Variants in KLHL29 observed in about 807,000 individuals in gnomAD.
The protein encoded by KLHL29 is kelch like family member 29, also known as kelch-like protein 29.
A neutral mutation model predicts 80.4 loss-of-function variants in KLHL29; 21 were observed. The ratio of observed to expected loss-of-function variants is 0.26; its 90% CI spans 0.19 to 0.38. The LOEUF is 0.38. KLHL29 is among the 10% of genes least tolerant of loss of function. The pLI, the probability that KLHL29 is intolerant of heterozygous loss-of-function variation, is 1.00. For missense variants in KLHL29, 867 were observed against 1,223.9 expected, an observed-to-expected ratio of 0.71 and a Z score of 4.35; for synonymous variants, 511 against 526.8, an observed-to-expected ratio of 0.97 and a Z score of 0.41.
At chr2:23,497,832 A>T (rs1287886476) in intron 2 of KLHL29, among the ~76,000 whole-genome samples, 2 of 152,252 alleles carry the variant, frequency 1.3e-5, no homozygotes, top group East Asian at 3.9e-4. Context: ...AAGTCAGGGG[A>T]AACCAACCGT....
At chr2:23,513,735 G>A (rs1445495499) in intron 2 of KLHL29, among the ~76,000 whole-genome samples, 1 of 152,168 alleles carries the variant, frequency 6.6e-6, no homozygotes, top group African/African-American at 2.4e-5. Flanking sequence ...CTGGGCATTA[G>A]GATCGAGGAT....
intron 2 of KLHL29, among the ~76,000 whole-genome samples, chr2:23,496,766 G>A (rs2103451820): frequency 6.6e-6 from 1 of 152,362 alleles, no homozygotes; most frequent in South Asian, 2.1e-4. Context: ...TTGGGGGAAA[G>A]TTATTTACTG....
intron 1 of KLHL29, among the ~76,000 whole-genome samples, chr2:23,408,458 T>G (rs1436411238): frequency 6.6e-6 from 1 of 152,126 alleles, no homozygotes; most frequent in Non-Finnish European, 1.5e-5. Context: ...TGAGTTTACT[T>G]CCATATCTCT....
Position 23,681,916 on chromosome 2 carries a change from C to T in KLHL29, c.941-2483C>T, listed in dbSNP as rs1241454000. Among the ~76,000 whole-genome samples the T allele has an allele frequency of 6.6e-6, 1 of 152,140 alleles. No individual in the cohort carries two copies. The highest frequency in any genetic ancestry group is 1.5e-5 in the Non-Finnish European group (1 of 68,016). ...GGCCCTGCAACTGGCCCTGTGCTGT[C>T]TCCCCTCCGCCTGGGCTGTGCGCAG... On this transcript the variant is annotated intron_variant, in intron 5 of 13. Transcript: ENST00000486442. The surrounding 1 kb of genome is among the most constrained non-coding windows in gnomAD (Gnocchi z 4.2).
intron 1 of KLHL29, among the ~76,000 whole-genome samples, chr2:23,411,339 T>G (rs1572490664): frequency 6.6e-6 from 1 of 150,522 alleles, no homozygotes; most frequent in Admixed American, 6.6e-5. Flanking sequence ...GTGAAGTAGT[T>G]CCCATGCCTG....
At chr2:23,431,975 G>T (rs1572507644) in intron 1 of KLHL29, among the ~76,000 whole-genome samples, 1 of 138,646 alleles carries the variant, frequency 7.2e-6, no homozygotes, top group Non-Finnish European at 1.6e-5. Flanking sequence ...GAACCAAAAA[G>T]AAATGAATGA....
rs185721744 is a variant in KLHL29 at position 23,685,631 on chromosome 2, G to A, written c.1079+1094G>A. Among the ~76,000 whole-genome samples, 152 of 152,324 alleles carry A rather than the reference G, an allele frequency of 1.0e-3. 3 individuals carry two copies. Among genetic ancestry groups the A allele is most frequent in the East Asian group, 5.0e-3 (26 of 5,186 alleles). ...GGCAGGCTCTGGCTGGCCACATGCC[G>A]GCCCTCAGCCTCGCAGGAAGGGGCA... On this transcript the variant is annotated intron_variant, in intron 6 of 13. Coordinates refer to ENST00000486442, the MANE Select transcript of KLHL29 (RefSeq NM_052920.2).
At chr2:23,455,317 C>T (rs1363078922) in intron 1 of KLHL29, among the ~76,000 whole-genome samples, 1 of 152,204 alleles carries the variant, frequency 6.6e-6, no homozygotes, top group East Asian at 1.9e-4. Flanking sequence ...TTCAGAGTTA[C>T]ACCTCGTGCC....
At chr2:23,533,805 A>C (rs1265097116) in intron 2 of KLHL29, among the ~76,000 whole-genome samples, 1 of 152,210 alleles carries the variant, frequency 6.6e-6, no homozygotes, top group Non-Finnish European at 1.5e-5. Context: ...ATTATAAGCT[A>C]ACTCTGTTTT....
chr2:23,534,048 G>A (rs751512415), intron 2 of KLHL29, among the ~76,000 whole-genome samples: 23 of 151,746 alleles, frequency 1.5e-4, no homozygotes, highest in Non-Finnish European at 2.4e-4. Flanking sequence ...GTAAGGACCC[G>A]CCAATAGTTG....
At chr2:23,633,756 C>CGTGTGTGTGTGTGTGTGTGTGT (rs1181808728) in intron 3 of KLHL29, among the ~76,000 whole-genome samples, 8 of 147,128 alleles carry the variant, frequency 5.4e-5, no homozygotes, top group African/African-American at 1.8e-4. Context: ...TCACAGCACT[C>CGTGTGTGTGTGTGTGTGTGTGT]GTGTGTGTGT....
chr2:23,549,241 G>T (rs1187105453), intron 2 of KLHL29, among the ~76,000 whole-genome samples: 2 of 152,234 alleles, frequency 1.3e-5, no homozygotes, highest in African/African-American at 4.8e-5. Context: ...CCCAGCGGGG[G>T]TGGAAGTGGC....
At chr2:23,499,002 G>A (rs1709330) in intron 2 of KLHL29, among the ~76,000 whole-genome samples, 62,828 of 152,068 alleles carry the variant, frequency 0.41, 13,518 homozygotes, top group Non-Finnish European at 0.46. Flanking sequence ...GACCGATCAC[G>A]TTTCCTTTCG....
chr2:23,489,783 T>C (rs558092315), intron 2 of KLHL29, among the ~76,000 whole-genome samples: 1 of 151,754 alleles, frequency 6.6e-6, no homozygotes, highest in East Asian at 1.9e-4. Context: ...GAAACTTGCA[T>C]GCGTGGAGTC....
chr2:23,585,635 C>T (rs528656571), intron 3 of KLHL29, among the ~76,000 whole-genome samples: 2 of 152,084 alleles, frequency 1.3e-5, no homozygotes, highest in Non-Finnish European at 1.5e-5. Flanking sequence ...TCCCTTTCTG[C>T]CCCCCAGGCT....
chr2:23,655,053 T>C (rs1670206248), intron 5 of KLHL29, among the ~76,000 whole-genome samples: 1 of 152,220 alleles, frequency 6.6e-6, no homozygotes, highest in South Asian at 2.1e-4. Context: ...ATTCTTGGGC[T>C]CTTTCCTCAT....
intron 13 of KLHL29, among the ~76,000 whole-genome samples, chr2:23,704,713 G>A (rs1467258640): frequency 6.6e-6 from 1 of 152,208 alleles, no homozygotes; most frequent in African/African-American, 2.4e-5. Context: ...GTTGCAGTGA[G>A]CCGAGATCGC....
intron 4 of KLHL29, among the ~76,000 whole-genome samples, chr2:23,641,959 G>A (rs1333338821): frequency 6.6e-6 from 1 of 152,172 alleles, no homozygotes; most frequent in Non-Finnish European, 1.5e-5. Context: ...ACTCCAGCCT[G>A]GGTAACAGAG....
chr2:23,431,094 A>G (rs1035841153), intron 1 of KLHL29, among the ~76,000 whole-genome samples: 1 of 152,096 alleles, frequency 6.6e-6, no homozygotes, highest in Non-Finnish European at 1.5e-5. Context: ...CTTGCTGGAA[A>G]ACCCCTCTAG....
Sources: gnomAD v4.1 joint callset for allele counts (sites outside exome capture counted in the v4.1 genomes callset) on GRCh38, gnomAD v4.1.1 for gene constraint, Gnocchi (gnomAD v3.1) non-coding constraint, MANE v1.5 for transcripts, NCBI Gene and HGNC (gene_info 2026-07-23, HGNC 2026-07-21) for gene names.